Variants in ROBO2 observed in about 807,000 individuals in gnomAD.
The protein encoded by ROBO2 is roundabout homolog 2.
ROBO2 carries 53 observed loss-of-function variants against 160.8 expected under a neutral mutation model. The ratio of observed to expected loss-of-function variants is 0.33; its 90% confidence interval spans 0.26 to 0.41. The LOEUF is 0.41. Ranked by LOEUF, ROBO2 falls within the 10% of genes least tolerant of loss-of-function variation. ROBO2 has a pLI of 1.00. For missense variants in ROBO2, 1,577 were observed against 1,722.4 expected (o/e 0.92, Z 1.49); for synonymous variants, 664 against 611.7 (o/e 1.09, Z -1.26).
At chr3:77,125,003 G>T (rs1312517410) in intron 2 of ROBO2, among the ~76,000 whole-genome samples, 1 of 151,144 alleles carries the variant, frequency 6.6e-6, no homozygotes, top group African/African-American at 2.4e-5. Context: ...ACTCTAATAT[G>T]ATATGATTAT....
At chr3:77,522,651 T>C in intron 5 of ROBO2, 124 bp from the exon 6 acceptor site, 1 of 920,086 alleles carries the variant, frequency 1.1e-6, no homozygotes, top group East Asian at 2.5e-5. Flanking sequence ...TGTGGCTGAT[T>C]TGTGTGTGTG....
chr3:76,346,602 TTTATTGTCCAG>T (rs1363973467), intron 2 of ROBO2, among the ~76,000 whole-genome samples: 1 of 152,126 alleles, frequency 6.6e-6, no homozygotes, highest in Non-Finnish European at 1.5e-5. Flanking sequence ...AAATACATAT[TTTATTGTCCAG>T]AGCCACTAGA....
Position 76,130,679 on chromosome 3 carries a change from A to G in ROBO2, c.109+193077A>G, listed in dbSNP as rs181554831. Among the ~76,000 whole-genome samples, 208 of 152,222 alleles carry G rather than the reference A, an allele frequency of 1.4e-3. 4 individuals carry two copies. The highest frequency in any genetic ancestry group is 1.6e-4 in the Non-Finnish European group (11 of 68,010). On this transcript the variant is annotated intron_variant, in intron 2 of 26. Transcript: ENST00000487694. ...CCACATAGCCATTCCTAATAAGAAA[A>G]ATACCTGAAAAAATCAACTATCATT...
chr3:77,640,157 G>A (rs995081607), intron 24 of ROBO2, among the ~76,000 whole-genome samples: 2 of 130,886 alleles, frequency 1.5e-5, no homozygotes, highest in Non-Finnish European at 3.1e-5. Context: ...TATCCGCCAG[G>A]CTGGAGTACA....
chr3:76,621,827 T>C (rs17801452), intron 2 of ROBO2, among the ~76,000 whole-genome samples: 48,213 of 152,122 alleles, frequency 0.32, 8,724 homozygotes, highest in Middle Eastern at 0.42. Context: ...GACTCCACAG[T>C]ATGGCAGTAA....
intron 1 of ROBO2, among the ~76,000 whole-genome samples, chr3:77,072,084 C>G (rs2067481988): frequency 6.6e-6 from 1 of 152,080 alleles, no homozygotes; most frequent in South Asian, 2.1e-4. Flanking sequence ...CGTCTCATGC[C>G]AGATCAGCAG....
chr3:76,901,580 A>G (rs1310842722), intron 2 of ROBO2, among the ~76,000 whole-genome samples: 1 of 150,808 alleles, frequency 6.6e-6, no homozygotes, highest in Admixed American at 6.6e-5. Flanking sequence ...AAAAAAAAAA[A>G]AAAAAAAAAG....
At chr3:77,608,702 A>G (rs571215601) in intron 21 of ROBO2, among the ~76,000 whole-genome samples, 1 of 152,294 alleles carries the variant, frequency 6.6e-6, no homozygotes, top group East Asian at 1.9e-4. Context: ...TTTCTAGTTT[A>G]ATAATTCTGA....
intron 2 of ROBO2, among the ~76,000 whole-genome samples, chr3:76,265,076 C>T (rs539786852): frequency 2.0e-5 from 3 of 152,184 alleles, no homozygotes; most frequent in African/African-American, 7.2e-5. Context: ...TTGTTATGGC[C>T]TTACATCTGA....
chr3:77,049,477 G>A (rs2065009537), intron 1 of ROBO2, among the ~76,000 whole-genome samples: 1 of 152,172 alleles, frequency 6.6e-6, no homozygotes, highest in African/African-American at 2.4e-5. Flanking sequence ...GGATATGCAT[G>A]ACAGCCAAAA....
At chr3:76,651,769 C>G (rs1048303454) in intron 2 of ROBO2, among the ~76,000 whole-genome samples, 2 of 152,152 alleles carry the variant, frequency 1.3e-5, no homozygotes, top group Non-Finnish European at 2.9e-5. Context: ...TTCACATATG[C>G]AAGGACTTGC....
intron 2 of ROBO2, among the ~76,000 whole-genome samples, chr3:77,422,247 G>C (rs1291298727): frequency 6.6e-6 from 1 of 152,156 alleles, no homozygotes; most frequent in Non-Finnish European, 1.5e-5. Flanking sequence ...GGGATTAGCG[G>C]TTCCTTTTGA....
intron 2 of ROBO2, among the ~76,000 whole-genome samples, chr3:75,994,354 T>C (rs1017662353): frequency 2.0e-5 from 3 of 152,216 alleles, no homozygotes; most frequent in Non-Finnish European, 2.9e-5. Flanking sequence ...GCCATCCAAA[T>C]GTCAACTTGT....
chr3:77,119,681 C>A (rs929792673), intron 2 of ROBO2, among the ~76,000 whole-genome samples: 3 of 152,142 alleles, frequency 2.0e-5, no homozygotes, highest in African/African-American at 7.2e-5. Flanking sequence ...GAAAGTACGT[C>A]ACAAACTATA....
At chr3:75,916,974 A>C (rs1049941990) in intron 1 of ROBO2, among the ~76,000 whole-genome samples, 4 of 94,816 alleles carry the variant, frequency 4.2e-5, no homozygotes, top group African/African-American at 1.5e-4. Context: ...AAATGAGTGC[A>C]TGTTTTCTAT....
At chr3:77,242,016 G>A (rs937543908) in intron 2 of ROBO2, among the ~76,000 whole-genome samples, 19 of 152,204 alleles carry the variant, frequency 1.2e-4, no homozygotes, top group African/African-American at 3.4e-4. Flanking sequence ...GCTAATATGC[G>A]GGAAATAAGC....
chr3:77,384,884 A>G (rs1257757397), intron 2 of ROBO2, among the ~76,000 whole-genome samples: 2 of 152,156 alleles, frequency 1.3e-5, no homozygotes, highest in Non-Finnish European at 2.9e-5. Flanking sequence ...TACCTCTAAA[A>G]ATTTCCATGA....
At chr3:77,135,746 T>C (rs1418884780) in intron 2 of ROBO2, among the ~76,000 whole-genome samples, 2 of 152,150 alleles carry the variant, frequency 1.3e-5, no homozygotes, top group Admixed American at 6.5e-5. Context: ...CTGTAGAATG[T>C]TTCTGCCCTT....
intron 2 of ROBO2, among the ~76,000 whole-genome samples, chr3:77,271,781 C>T (rs773328417): frequency 6.6e-6 from 1 of 152,142 alleles, no homozygotes; most frequent in Non-Finnish European, 1.5e-5. Context: ...ATTTGATGCC[C>T]CCATGGGCCC....
Sources: allele counts gnomAD v4.1 joint callset (sites outside exome capture counted in the v4.1 genomes callset), GRCh38; gene constraint gnomAD v4.1.1; transcripts MANE v1.5; gene names NCBI Gene and HGNC (gene_info 2026-07-23, HGNC 2026-07-21).